ASTN2: variants seen among roughly 807,000 people sequenced by gnomAD.
ASTN2 encodes the protein astrotactin-2.
Under a neutral mutation model 139.8 loss-of-function variants are expected in ASTN2, and 54 were observed. The observed-to-expected ratio is 0.39, with a 90% CI of 0.31 to 0.48. ASTN2 has a LOEUF of 0.48. Ranked by LOEUF, ASTN2 falls within the 20% of genes least tolerant of loss-of-function variation. The pLI is 0.95. For synonymous variants in ASTN2, 756 were observed against 719.5 expected (o/e 1.05, Z -0.81); for missense variants, 1,565 against 1,725.1 (o/e 0.91, Z 1.64).
At chr9:116,703,306 G>A (rs1214555374) in intron 16 of ASTN2, among the ~76,000 whole-genome samples, 6 of 149,620 alleles carry the variant, frequency 4.0e-5, no homozygotes, top group South Asian at 2.2e-4. Context: ...CATGTCCTTC[G>A]CCCACTTTTT....
chr9:116,804,015 G>C (rs1830966262), intron 13 of ASTN2, among the ~76,000 whole-genome samples: 1 of 151,848 alleles, frequency 6.6e-6, no homozygotes, highest in Admixed American at 6.6e-5. Context: ...GAGCAACTGA[G>C]TCATGGATCC....
chr9:116,905,129 G>C (rs866306843), intron 10 of ASTN2, among the ~76,000 whole-genome samples: 10 of 152,194 alleles, frequency 6.6e-5, no homozygotes, highest in South Asian at 4.2e-4. Context: ...GACTGCCCAG[G>C]GAGCTAATCT....
chr9:117,026,137 C>G (rs150972295), intron 6 of ASTN2, among the ~76,000 whole-genome samples: 407 of 151,836 alleles, frequency 2.7e-3, no homozygotes, highest in Middle Eastern at 6.8e-3. Context: ...AATATGTAGC[C>G]AAGAAGTAGG....
At chr9:116,671,150 T>C (rs1178992229) in intron 16 of ASTN2, among the ~76,000 whole-genome samples, 1 of 152,142 alleles carries the variant, frequency 6.6e-6, no homozygotes, top group Non-Finnish European at 1.5e-5. Context: ...AATCCCAAAA[T>C]TTATATTAGA....
rs142657380 is a variant in ASTN2 at position 116,665,538 on chromosome 9, C to A, written c.2807-13745G>T. Among the ~76,000 whole-genome samples the A allele has an allele frequency of 4.6e-3, 701 of 152,284 alleles. 3 individuals are homozygous for A. The highest frequency in any genetic ancestry group is 0.016 in the African/African-American group (669 of 41,554). On this transcript the variant is annotated intron_variant, in intron 16 of 22. Transcript: ENST00000313400. Reference sequence around the variant, plus strand: ...ATGTACTAGGCAATAAATACCCCTACTGCCCAGACTCTGGTTTCTAAATGC... The same window carrying A: ...ATGTACTAGGCAATAAATACCCCTAATGCCCAGACTCTGGTTTCTAAATGC...
intron 10 of ASTN2, among the ~76,000 whole-genome samples, chr9:116,868,605 G>C (rs1256971540): frequency 6.6e-6 from 1 of 152,180 alleles, no homozygotes; most frequent in African/African-American, 2.4e-5. Context: ...AAAGCATAGT[G>C]TTTAAGTTTA....
At chr9:116,654,997 A>G (rs1019542732) in intron 16 of ASTN2, among the ~76,000 whole-genome samples, 3 of 152,222 alleles carry the variant, frequency 2.0e-5, no homozygotes, top group East Asian at 1.9e-4. Flanking sequence ...AAAGCCCACA[A>G]TCTTGGCTGA....
intron 1 of ASTN2, among the ~76,000 whole-genome samples, chr9:117,373,185 A>C (rs1299938611): frequency 6.6e-6 from 1 of 152,220 alleles, no homozygotes; most frequent in African/African-American, 2.4e-5. Context: ...AGTCAGTGTT[A>C]ATTATTCCAT....
Position 116,790,929 on chromosome 9 carries a change from T to TGAAAGAAAGAAA in ASTN2, c.2396+14691_2396+14702dup, listed in dbSNP as rs758357999. 8.1e-3 allele frequency among the ~76,000 whole-genome samples: 743 copies of TGAAAGAAAGAAA among 91,290 alleles called. 45 individuals are homozygous for TGAAAGAAAGAAA. The highest frequency in any genetic ancestry group is 0.018 in the South Asian group (53 of 2,934). The allele number at this position is 91,290 out of a possible 152,430, so 59.9% of individuals were successfully genotyped here. ...AAAGAAAGAGAAAGAAAGGAAGGAA[T>TGAAAGAAAGAAA]GAAAGAAAGAAAGAAAGAAAGAAAG... is the stretch of plus-strand genomic sequence containing the variant. On this transcript the variant is annotated intron_variant, in intron 13 of 22. Transcript: ENST00000313400.
intron 17 of ASTN2, among the ~76,000 whole-genome samples, chr9:116,631,853 C>T (rs971631210): frequency 6.6e-6 from 1 of 152,066 alleles, no homozygotes; most frequent in Non-Finnish European, 1.5e-5. Flanking sequence ...TGGTGGCTCA[C>T]GCTTGTAATC....
chr9:116,775,193 T>G (rs1420953930), intron 13 of ASTN2, among the ~76,000 whole-genome samples: 2 of 152,000 alleles, frequency 1.3e-5, no homozygotes, highest in African/African-American at 4.8e-5. Flanking sequence ...AGGATGGCGA[T>G]TCCACTGAGT....
chr9:116,862,831 CACACACACACAT>C (rs1445651903), intron 11 of ASTN2, among the ~76,000 whole-genome samples: 248 of 94,090 alleles, frequency 2.6e-3, no homozygotes, highest in African/African-American at 8.8e-3. Context: ...CACACACACA[CACACACACACAT>C]ACACGTTAAA....
chr9:117,239,317 C>T (rs1197137202), intron 2 of ASTN2, among the ~76,000 whole-genome samples: 1 of 152,156 alleles, frequency 6.6e-6, no homozygotes, highest in African/African-American at 2.4e-5. Context: ...CCCTCCTCCC[C>T]AGAGGATTAC....
In ASTN2 at chr9:117,309,048, T is replaced by C. The variant is rs570140783; in HGVS notation, c.443-17535A>G. 7.2e-5 allele frequency among the ~76,000 whole-genome samples: 11 copies of C among 152,380 alleles called. No individual in the cohort carries two copies. In the East Asian group the frequency reaches 1.5e-3, roughly 21 times the overall value. ...TTATGCATGTTTTCCTGCATAATCC[T>C]CACAACTACCTTTCAAGATGGTTAT... is the stretch of plus-strand genomic sequence containing the variant. On this transcript the variant is annotated intron_variant, in intron 1 of 22. Transcript: ENST00000313400.
At chr9:117,134,644 A>G (rs1396792098) in intron 4 of ASTN2, among the ~76,000 whole-genome samples, 2 of 151,894 alleles carry the variant, frequency 1.3e-5, no homozygotes, top group Admixed American at 1.3e-4. Flanking sequence ...TGTCTTCCCA[A>G]ACTTTCTCTT....
chr9:117,048,926 G>A (rs1201859212), intron 5 of ASTN2, among the ~76,000 whole-genome samples: 1 of 143,702 alleles, frequency 7.0e-6, no homozygotes, highest in Non-Finnish European at 1.5e-5. Context: ...TATGAAAACA[G>A]AAATAGAATC....
intron 2 of ASTN2, among the ~76,000 whole-genome samples, chr9:117,248,691 CA>C (rs1392879392): frequency 6.6e-6 from 1 of 152,170 alleles, no homozygotes; most frequent in East Asian, 1.9e-4. Flanking sequence ...GTAGTTTCTG[CA>C]CAGTTTGTGC....
intron 17 of ASTN2, among the ~76,000 whole-genome samples, chr9:116,650,393 G>GA (rs1180877176): frequency 2.0e-5 from 3 of 151,962 alleles, no homozygotes; most frequent in African/African-American, 7.3e-5. Context: ...GAACCGAAGA[G>GA]AAAAAAAGAA....
At position 117,099,779 on chromosome 9, in the gene ASTN2, T is replaced by C. The variant is rs543297708; in HGVS notation, c.1169-3628A>G. 2.0e-5 allele frequency among the ~76,000 whole-genome samples: 3 copies of C among 152,264 alleles called. No homozygotes were observed. The East Asian group carries it at 5.8e-4, about 30-fold the overall frequency. ...TAAATCTATTCCTTTTTTACAATGC[T>C]GGTTTATAATAAAATATGAACAAAT... is the stretch of plus-strand genomic sequence containing the variant. On this transcript the variant is annotated intron_variant, in intron 4 of 22. Transcript: ENST00000313400.
Sources: gnomAD v4.1 joint callset for allele counts (sites outside exome capture counted in the v4.1 genomes callset) on GRCh38, gnomAD v4.1.1 for gene constraint, MANE v1.5 for transcripts, NCBI Gene and HGNC (gene_info 2026-07-23, HGNC 2026-07-21) for gene names.